The following PPFIBP1 variants were observed in gnomAD, a reference collection of about 807,000 sequenced individuals.
PPFIBP1 encodes the protein liprin-beta-1.
A neutral mutation model predicts 137.8 loss-of-function variants in PPFIBP1; 112 were observed. The observed-to-expected ratio is 0.81, with a 90% CI of 0.70 to 0.95. PPFIBP1 has a LOEUF of 0.95. Among genes scored for constraint, PPFIBP1 ranks in the 40% least tolerant of loss-of-function variants. The pLI, the probability that PPFIBP1 is intolerant of heterozygous loss-of-function variation, is 0.00. For synonymous variants in PPFIBP1, 378 were observed against 417.3 expected (o/e 0.91, Z 1.15); for missense variants, 1,083 against 1,196.6 (o/e 0.91, Z 1.40).
intron 1 of PPFIBP1, among the ~76,000 whole-genome samples, chr12:27,527,180 A>G (rs890137308): frequency 6.6e-6 from 1 of 152,194 alleles, no homozygotes; most frequent in Non-Finnish European, 1.5e-5. Context: ...CTTTTCGTTT[A>G]TATCCCAAAC....
chr12:27,591,469 C>T (rs1419369267), intron 2 of PPFIBP1, among the ~76,000 whole-genome samples: 1 of 152,114 alleles, frequency 6.6e-6, no homozygotes, highest in African/African-American at 2.4e-5. Context: ...TGGGAGAGGA[C>T]TTGGTTAAGA....
chr12:27,694,565 A>G lies in PPFIBP1; in HGVS notation c.*1683A>G, dbSNP rs1268130924. On this transcript the variant is annotated 3_prime_UTR_variant, in exon 30 of 30. Coordinates refer to ENST00000228425, the MANE Select transcript of PPFIBP1 (RefSeq NM_003622.4). ...AACATTTTATTTCAAAGTTCAAAAAAACAGAGGCTGCAAAATTCATTTTAT... is the reference window on the plus strand; with the variant it reads ...AACATTTTATTTCAAAGTTCAAAAAGACAGAGGCTGCAAAATTCATTTTAT... 3 of 152,224 alleles carry G rather than the reference A, an allele frequency of 2.0e-5. No homozygotes were observed. The highest frequency in any genetic ancestry group is 7.2e-5 in the African/African-American group (3 of 41,460). The allele number at this position is 152,224 out of a possible 1,614,324, so 9.4% of individuals were successfully genotyped here.
chr12:27,674,811 A>ATT (rs72418237), intron 17 of PPFIBP1, among the ~76,000 whole-genome samples: 20,691 of 108,648 alleles, frequency 0.19, 2,947 homozygotes, highest in Non-Finnish European at 0.22. Flanking sequence ...CTTTCCCCTG[A>ATT]TTTTTTTTTT....
intron 23 of PPFIBP1, 43 bp from the exon 24 acceptor site, chr12:27,682,572 G>A: frequency 6.2e-7 from 1 of 1,610,072 alleles, no homozygotes; most frequent in African/African-American, 1.3e-5. Flanking sequence ...CACAAGAACA[G>A]ATGTTTTGTG....
intron 5 of PPFIBP1, 128 bp from the exon 6 acceptor site, chr12:27,647,601 G>T (rs943478486): frequency 1.7e-6 from 1 of 582,612 alleles, no homozygotes; most frequent in Non-Finnish European, 3.0e-6. Context: ...GTACTTCTCA[G>T]ATTTTTTTTT....
At chr12:27,646,406 T>TTA in intron 5 of PPFIBP1, 1 of 430,194 alleles carries the variant, frequency 2.3e-6, no homozygotes, top group Non-Finnish European at 4.3e-6. Context: ...GTCTGATCTG[T>TTA]TCTTTTTTTT....
At chr12:27,537,734 T>G (rs1352126052) in intron 1 of PPFIBP1, among the ~76,000 whole-genome samples, 1 of 151,974 alleles carries the variant, frequency 6.6e-6, no homozygotes, top group Non-Finnish European at 1.5e-5. Context: ...TTCCTTGTCC[T>G]GCGCTGGTGC....
At chr12:27,534,225 G>T (rs767130506) in intron 1 of PPFIBP1, among the ~76,000 whole-genome samples, 2 of 152,136 alleles carry the variant, frequency 1.3e-5, no homozygotes, top group Non-Finnish European at 2.9e-5. Flanking sequence ...AGGGCAGTGG[G>T]TTAGCCTCGA....
At chr12:27,674,352 G>A (rs567023411) in intron 17 of PPFIBP1, 131 bp downstream of exon 17, 3 of 593,226 alleles carry the variant, frequency 5.1e-6, no homozygotes, top group Non-Finnish European at 8.8e-6. Flanking sequence ...CAGACACAAA[G>A]TTCACATATT....
chr12:27,562,956 A>G (rs1194498729), intron 1 of PPFIBP1, among the ~76,000 whole-genome samples: 5 of 152,020 alleles, frequency 3.3e-5, no homozygotes, highest in Non-Finnish European at 7.4e-5. Flanking sequence ...ATAAATGGAT[A>G]TTGTGTGCAT....
intron 2 of PPFIBP1, among the ~76,000 whole-genome samples, chr12:27,608,462 G>A (rs1312837332): frequency 2.6e-5 from 4 of 151,976 alleles, no homozygotes; most frequent in East Asian, 1.9e-4. Context: ...AATGTTAAGC[G>A]GACTCCCAAG....
intron 2 of PPFIBP1, chr12:27,592,390 T>A (rs987703025): frequency 9.9e-6 from 6 of 604,524 alleles, no homozygotes; most frequent in Admixed American, 3.4e-5. Flanking sequence ...AAATAAACTA[T>A]TGGGGATTAT....
chr12:27,592,522 C>T (rs1484781455), intron 2 of PPFIBP1: 62 of 1,218,338 alleles, frequency 5.1e-5, no homozygotes, highest in Admixed American at 4.0e-4. Flanking sequence ...GTGAAAGAAT[C>T]GTTTCCTTGG....
rs761085411 is a variant in PPFIBP1, at chr12:27,681,716, G to T, written c.2046+20G>T. On this transcript the variant is annotated intron_variant, in intron 22 of 29. Transcript: ENST00000228425. ...GAGAAGGTGACTGCTTCTCTGTTTT[G>T]TTCACACAATGGATACTGAGAAGAA... 11 of 1,613,016 alleles carry T rather than the reference G, an allele frequency of 6.8e-6. No individual in the cohort carries two copies. Among genetic ancestry groups the T allele is most frequent in the Non-Finnish European group, 9.3e-6 (11 of 1,179,144 alleles).
chr12:27,620,130 T>G (rs936889283), intron 2 of PPFIBP1, among the ~76,000 whole-genome samples: 3 of 152,212 alleles, frequency 2.0e-5, no homozygotes, highest in African/African-American at 7.2e-5. Context: ...CTGTTCTTGC[T>G]TCTACCTCTG....
At chr12:27,604,379 C>T (rs2054297074) in intron 2 of PPFIBP1, among the ~76,000 whole-genome samples, 1 of 152,140 alleles carries the variant, frequency 6.6e-6, no homozygotes. Flanking sequence ...AGCAGAACCG[C>T]AACAGGTGAG....
At chr12:27,587,998 C>T (rs1293306772) in intron 2 of PPFIBP1, among the ~76,000 whole-genome samples, 1 of 152,016 alleles carries the variant, frequency 6.6e-6, no homozygotes, top group East Asian at 1.9e-4. Flanking sequence ...TTTTGTGTTT[C>T]CTTATTTTGT....
intron 12 of PPFIBP1, among the ~76,000 whole-genome samples, chr12:27,665,173 G>A (rs369902650): frequency 1.8e-4 from 27 of 152,188 alleles, no homozygotes; most frequent in African/African-American, 4.8e-4. Context: ...AGGCGGCAGA[G>A]TGAGACTCAG....
In PPFIBP1 at chr12:27,694,774, A is replaced by G. The variant is rs1026251424; in HGVS notation, c.*1892A>G. 6.6e-6 allele frequency: 1 copy of G among 152,308 alleles called. No homozygotes were observed. Among genetic ancestry groups the G allele is most frequent in the East Asian group, 1.9e-4 (1 of 5,188 alleles). 9.4% of individuals were successfully genotyped at this position (152,308 alleles called of 1,614,324 possible). On this transcript the variant is annotated 3_prime_UTR_variant, in exon 30 of 30. Coordinates refer to ENST00000228425, the MANE Select transcript of PPFIBP1 (RefSeq NM_003622.4). ...GTAATTACCCATGGTAGCCAACCCTACAAAAGACAGGTTTTCACAAATTGA... is the reference window on the plus strand; with the variant it reads ...GTAATTACCCATGGTAGCCAACCCTGCAAAAGACAGGTTTTCACAAATTGA...
Sources: gnomAD v4.1 joint callset for allele counts (sites outside exome capture counted in the v4.1 genomes callset) on GRCh38, gnomAD v4.1.1 for gene constraint, MANE v1.5 for transcripts, NCBI Gene and HGNC (gene_info 2026-07-23, HGNC 2026-07-21) for gene names.